The following ITGA3 variants were observed in gnomAD, a reference collection of about 807,000 sequenced individuals.
ITGA3 encodes the protein integrin alpha-3.
In ITGA3, 70 loss-of-function variants were observed where a neutral mutation model predicts 131.1. The ratio of observed to expected loss-of-function variants is 0.53; its 90% CI spans 0.44 to 0.65. The LOEUF is 0.65. Among genes scored for constraint, ITGA3 ranks in the 30% least tolerant of loss-of-function variants. The pLI, the probability that ITGA3 is intolerant of heterozygous loss-of-function variation, is 0.00. For missense variants in ITGA3, 1,098 were observed against 1,388.6 expected (o/e 0.79, Z 3.33); for synonymous variants, 537 against 571.6 (o/e 0.94, Z 0.86).
intron 6 of ITGA3, 186 bp downstream of exon 6, chr17:50,071,704 T>A: frequency 1.6e-6 from 1 of 642,534 alleles, no homozygotes; most frequent in South Asian, 2.0e-5. Flanking sequence ...GACCCCTGCG[T>A]TTGCTTGTTT....
intron 23 of ITGA3, among the ~76,000 whole-genome samples, chr17:50,085,904 A>AT (rs1567706036): frequency 1.1e-5 from 1 of 89,394 alleles, no homozygotes; most frequent in South Asian, 3.7e-4. Context: ...GATTATACAC[A>AT]TATAGATTTA....
At chr17:50,061,405 C>T (rs1343132084) in intron 1 of ITGA3, among the ~76,000 whole-genome samples, 41 of 152,106 alleles carry the variant, frequency 2.7e-4, no homozygotes, top group Admixed American at 2.7e-3. Context: ...GGCATGGAGA[C>T]CCTTTTGCTC....
intron 12 of ITGA3, 61 bp from the exon 13 acceptor site, chr17:50,076,265 G>T: frequency 6.4e-7 from 1 of 1,565,472 alleles, no homozygotes. Context: ...AGGGTGGTGT[G>T]AGGATTCAGC....
chr17:50,079,014 G>T, intron 19 of ITGA3, 62 bp from the exon 20 acceptor site: 1 of 1,543,960 alleles, frequency 6.5e-7, no homozygotes, highest in South Asian at 1.1e-5. Context: ...GAGGGTTGGG[G>T]GTTGGTAAGA....
intron 7 of ITGA3, 34 bp from the exon 8 acceptor site, chr17:50,073,882 C>T (rs1468605072): frequency 6.5e-7 from 1 of 1,536,732 alleles, no homozygotes; most frequent in South Asian, 1.1e-5. Context: ...GCCCAGAGTA[C>T]CTGGGTGACC....
intron 4 of ITGA3, among the ~76,000 whole-genome samples, chr17:50,069,906 C>T (rs1908545155): frequency 6.6e-6 from 1 of 152,210 alleles, no homozygotes; most frequent in Non-Finnish European, 1.5e-5. Context: ...GACCCCTTTT[C>T]CCTTACTGAA....
Position 50,077,130 on chromosome 17 carries a change from C to T in ITGA3, c.2070+9C>T, listed in dbSNP as rs766217395. Reference sequence around the variant, plus strand: ...TGTCCTCAGTGCGCCCCGTGAGTGCCCGCCGGCCGGCTCAGAGCCCAAGCA... The same window carrying T: ...TGTCCTCAGTGCGCCCCGTGAGTGCTCGCCGGCCGGCTCAGAGCCCAAGCA... On this transcript the variant is annotated intron_variant, in intron 15 of 25. Transcript: ENST00000320031. 2.0e-6 allele frequency: 3 copies of T among 1,533,204 alleles called. No individual in the cohort carries two copies. Among genetic ancestry groups the T allele is most frequent in the Non-Finnish European group, 2.6e-6 (3 of 1,133,258 alleles). 95.0% of individuals were successfully genotyped at this position (1,533,204 alleles called of 1,614,324 possible).
In ITGA3 at chr17:50,076,926, T is replaced by G. The variant is rs9898735; in HGVS notation, c.1923-48T>G. The G allele has an allele frequency of 4.3e-3, 6,758 of 1,568,802 alleles. 270 individuals carry two copies. The African/African-American group carries it at 0.08, about 19-fold the overall frequency. ...GGGCGGGGCCTAGTTGATCCGGGAG[T>G]GCCCTGGGGGCGGGGCTCTTGGCTG... On this transcript the variant is annotated intron_variant, in intron 14 of 25. Transcript: ENST00000320031.
At chr17:50,084,291 A>G (rs1005517149) in intron 23 of ITGA3, among the ~76,000 whole-genome samples, 1 of 151,214 alleles carries the variant, frequency 6.6e-6, no homozygotes, top group Admixed American at 6.6e-5. Context: ...AGGTGGAGAG[A>G]AATGCTATTG....
rs569621951 is a variant in ITGA3 at position 50,079,946 on chromosome 17, G to A, written c.2707-316G>A. On this transcript the variant is annotated intron_variant, in intron 21 of 25. Transcript: ENST00000320031. ...AAGCCGGTTGAAGCCTAGCTGGGTG[G>A]AGAGTGGGAGGTGGTGTCCCAGGGG... 1.8e-3 allele frequency among the ~76,000 whole-genome samples: 271 copies of A among 152,296 alleles called. 1 individual carries two copies. The highest frequency in any genetic ancestry group is 6.3e-3 in the African/African-American group (260 of 41,564).
intron 1 of ITGA3, among the ~76,000 whole-genome samples, chr17:50,061,733 T>C (rs573056717): frequency 6.6e-6 from 1 of 152,276 alleles, no homozygotes; most frequent in South Asian, 2.1e-4. Flanking sequence ...TTCCCTAACA[T>C]GCCAGGGCAG....
intron 23 of ITGA3, among the ~76,000 whole-genome samples, chr17:50,083,479 T>C (rs1044140287): frequency 6.6e-6 from 1 of 152,122 alleles, no homozygotes; most frequent in Non-Finnish European, 1.5e-5. Context: ...ATCCCAGCAC[T>C]TTGGAGACTG....
chr17:50,077,464 T>C lies in ITGA3; in HGVS notation c.2139+17T>C. 1 of 1,588,060 alleles carries C rather than the reference T, an allele frequency of 6.3e-7. No homozygotes were observed. The highest frequency in any genetic ancestry group is 1.1e-5 in the South Asian group (1 of 90,510). ...AACCAGAGGGTGAGCACCGGCCACA[T>C]CCTCCCAGTCCTCCTGGGTCCCTGG... On this transcript the variant is annotated intron_variant, in intron 16 of 25. Coordinates refer to ENST00000320031, the MANE Select transcript of ITGA3 (RefSeq NM_002204.4).
chr17:50,071,274 A>G (rs1908616808), intron 5 of ITGA3, 37 bp from the exon 6 acceptor site: 1 of 1,582,620 alleles, frequency 6.3e-7, no homozygotes, highest in Non-Finnish European at 8.7e-7. Flanking sequence ...GACGAAGTTG[A>G]CTGGGACCTT....
At position 50,090,335 on chromosome 17, in the gene ITGA3, C is replaced by T. The variant is rs1450289642; in HGVS notation, c.*1257C>T. 6.9e-6 allele frequency: 3 copies of T among 435,618 alleles called. No individual in the cohort carries two copies. Among genetic ancestry groups the T allele is most frequent in the South Asian group, 4.7e-5 (3 of 63,866 alleles). The allele number at this position is 435,618 out of a possible 1,614,324, so 27.0% of individuals were successfully genotyped here. On this transcript the variant is annotated 3_prime_UTR_variant, in exon 26 of 26. Transcript: ENST00000320031. ...AGAAGCTGAGGCTAGTTCCAGAAAA[C>T]CTCTCCTGACCCCTGCCTGTTGGCA...
At chr17:50,082,461 G>T (rs1436539981) in intron 23 of ITGA3, among the ~76,000 whole-genome samples, 2 of 152,244 alleles carry the variant, frequency 1.3e-5, no homozygotes, top group African/African-American at 2.4e-5. Context: ...ACAGGCATGA[G>T]CCACTGTGCC....
intron 23 of ITGA3, among the ~76,000 whole-genome samples, chr17:50,082,327 C>T (rs1446021809): frequency 2.0e-5 from 3 of 152,010 alleles, no homozygotes; most frequent in Non-Finnish European, 4.4e-5. Flanking sequence ...TACAGGCGCC[C>T]ACCACCACGC....
chr17:50,067,012 C>T (rs1475140698), intron 3 of ITGA3, among the ~76,000 whole-genome samples: 2 of 152,150 alleles, frequency 1.3e-5, no homozygotes, highest in African/African-American at 4.8e-5. Context: ...CACTGAAATG[C>T]CTTTTTGATA....
intron 12 of ITGA3, 114 bp downstream of exon 12, chr17:50,075,849 G>A: frequency 8.9e-7 from 1 of 1,126,356 alleles, no homozygotes; most frequent in South Asian, 1.5e-5. Context: ...AGAGGTTGGG[G>A]ACATCGGTTT....
Sources: allele counts gnomAD v4.1 joint callset (sites outside exome capture counted in the v4.1 genomes callset), GRCh38; gene constraint gnomAD v4.1.1; transcripts MANE v1.5; gene names NCBI Gene and HGNC (gene_info 2026-07-23, HGNC 2026-07-21).